The following HYAL3 variants were observed in gnomAD, a reference collection of about 807,000 sequenced individuals.
HYAL3 encodes hyaluronidase 3, also known as hyaluronidase-3.
HYAL3 carries 25 observed loss-of-function variants against 29.6 expected under a neutral mutation model. That is an observed-to-expected ratio of 0.85 (90% CI 0.62 to 1.18). The LOEUF is 1.18. Among genes scored for constraint, HYAL3 ranks in the 50% most tolerant of loss-of-function variants. HYAL3 has a pLI of 0.00. For missense variants in HYAL3, 442 were observed against 548.4 expected, an observed-to-expected ratio of 0.81 and a Z score of 1.94; for synonymous variants, 215 against 218.3, an observed-to-expected ratio of 0.99 and a Z score of 0.13.
At chr3:50,293,871 G>C (rs1553710527) in intron 2 of HYAL3, 150 bp from the exon 3 acceptor site, 1 of 711,480 alleles carries the variant, frequency 1.4e-6, no homozygotes, top group Non-Finnish European at 2.4e-6. Flanking sequence ...TTTAGAGGCG[G>C]GGTTTTACTC....
intron 1 of HYAL3, chr3:50,296,940 G>A (rs1553711306): frequency 1.2e-6 from 2 of 1,607,598 alleles, no homozygotes; most frequent in Admixed American, 1.7e-5. Context: ...GTCATGGGTG[G>A]TGAGATGCAG....
intron 1 of HYAL3, chr3:50,298,131 C>T: frequency 1.0e-6 from 1 of 980,838 alleles, no homozygotes; most frequent in Non-Finnish European, 1.2e-6. Flanking sequence ...ACCCCCTGCT[C>T]AAACCTACCC....
chr3:50,297,792 T>G lies in HYAL3; in HGVS notation c.-18+1421A>C. The G allele has an allele frequency of 8.2e-7, 1 of 1,218,922 alleles. No homozygotes were observed. Among genetic ancestry groups the G allele is most frequent in the Non-Finnish European group, 1.0e-6 (1 of 977,190 alleles). The allele number at this position is 1,218,922 out of a possible 1,614,324, so 75.5% of individuals were successfully genotyped here. A position where few individuals can be genotyped will look rare whatever the true frequency, so the allele number is the denominator to read the frequency against. ...GAACTGGGGAGTGGTGGGCTGCACT[T>G]TGTCCCACACTCACCTGATAGCACA... On this transcript the variant is annotated intron_variant, in intron 1 of 3. Transcript: ENST00000336307. This position sits in a 1 kb window ranked among gnomAD's most constrained non-coding sequence, Gnocchi z 4.3.
Position 50,295,594 on chromosome 3 carries a change from C to T in HYAL3, c.9G>A (p.Thr3=), listed in dbSNP as rs781828430. 76 of 1,544,060 alleles carry T rather than the reference C, an allele frequency of 4.9e-5. No homozygotes were observed. Among genetic ancestry groups the T allele is most frequent in the African/African-American group, 1.1e-4 (8 of 72,978 alleles). Residue 3 remains threonine (T), a synonymous_variant, in exon 2 of 4, where the codon ACG becomes ACA. Coordinates refer to ENST00000336307, the MANE Select transcript of HYAL3 (RefSeq NM_003549.4). Reference sequence around the variant, plus strand: ...CCAGCACCAGGGCTGGGCCCAGTTGCGTGGTCATTCCCCAAGGATGGAAAC... The same window carrying T: ...CCAGCACCAGGGCTGGGCCCAGTTGTGTGGTCATTCCCCAAGGATGGAAAC... MT[T]QLGPALVLGV...
At chr3:50,296,973 G>A (rs1701875359) in intron 1 of HYAL3, 2 of 1,590,444 alleles carry the variant, frequency 1.3e-6, no homozygotes, top group Non-Finnish European at 1.7e-6. Context: ...CCGGGCCCGA[G>A]CAAAGACCTC....
Position 50,293,456 on chromosome 3 carries a change from A to G in HYAL3, c.1044T>C (p.Asn348=). The part of the protein sequence containing the change: ...LVDTLGPYVI[N]VTRAAMACSH... ...TGCAGGCCATCGCTGCCCTGGTCAC[A>G]TTGATCACATAGGGGCCCAAGGTGT... The change falls in exon 4 of 4, where the codon AAT becomes AAC. Residue 348 remains asparagine (N), a synonymous_variant. Coordinates refer to ENST00000336307, the MANE Select transcript of HYAL3 (RefSeq NM_003549.4). 6.2e-7 allele frequency: 1 copy of G among 1,613,792 alleles called. No homozygotes were observed. The highest frequency in any genetic ancestry group is 8.5e-7 in the Non-Finnish European group (1 of 1,180,022).
At chr3:50,294,571 T>G in intron 2 of HYAL3, 138 bp downstream of exon 2, 1 of 636,784 alleles carries the variant, frequency 1.6e-6, no homozygotes. Flanking sequence ...GCCTCCCTCA[T>G]CAGATGCTCC....
At position 50,295,091 on chromosome 3, in the gene HYAL3, G is replaced by A. The variant is rs782600603; in HGVS notation, c.512C>T (p.Thr171Ile). 8 of 1,613,562 alleles carry A rather than the reference G, an allele frequency of 5.0e-6. No individual in the cohort carries two copies. The highest frequency in any genetic ancestry group is 5.1e-6 in the Non-Finnish European group (6 of 1,179,934). The change falls in exon 2 of 4, where the codon ACT (threonine) becomes ATT (isoleucine). Residue 171 changes from threonine to isoleucine, a missense_variant. Coordinates refer to ENST00000336307, the MANE Select transcript of HYAL3 (RefSeq NM_003549.4). ...TGCACGGGCCGCCTGCTCAAAGCCA[G>A]TATAGGCCTTGTAGAGCTGCTCCTG... ...DPQEQLYKAYTGFEQAARALM... is the reference protein window; with the variant it reads ...DPQEQLYKAYIGFEQAARALM...
intron 1 of HYAL3, chr3:50,296,384 A>G (rs587637246): frequency 1.7e-6 from 1 of 597,418 alleles, no homozygotes; most frequent in African/African-American, 1.9e-5. Context: ...GGGATCAACA[A>G]ATAAACTGTC....
Position 50,297,204 on chromosome 3 carries a change from C to T in HYAL3, c.-17-1585G>A, listed in dbSNP as rs782215726. 34 of 1,612,138 alleles carry T rather than the reference C, an allele frequency of 2.1e-5. No homozygotes were observed. Among genetic ancestry groups the T allele is most frequent in the Middle Eastern group, 1.6e-4 (1 of 6,068 alleles). ...GCCCAGGGAGTGCAGGCGGGAGGTG[C>T]GGCTGCGGGGCCACTGATCATTGAT... On this transcript the variant is annotated intron_variant, in intron 1 of 3. Transcript: ENST00000336307. The surrounding 1 kb of genome is among the most constrained non-coding windows in gnomAD (Gnocchi z 4.3).
chr3:50,297,630 T>A lies in HYAL3; in HGVS notation c.-18+1583A>T, dbSNP rs782608113. 612 of 1,459,060 alleles carry A rather than the reference T, an allele frequency of 4.2e-4. No homozygotes were observed. The highest frequency in any genetic ancestry group is 5.1e-4 in the Non-Finnish European group (564 of 1,111,260). 90.4% of individuals were successfully genotyped at this position (1,459,060 alleles called of 1,614,324 possible). A position where few individuals can be genotyped will look rare whatever the true frequency, so the allele number is the denominator to read the frequency against. ...GCCAGGCTGGAGGTTAAGACCCCAG[T>A]CTCCAGGCAGTAGCATCTCTTCAGA... On this transcript the variant is annotated intron_variant, in intron 1 of 3. Coordinates refer to ENST00000336307, the MANE Select transcript of HYAL3 (RefSeq NM_003549.4). The surrounding 1 kb of genome is among the most constrained non-coding windows in gnomAD (Gnocchi z 4.3).
In HYAL3 at chr3:50,297,898, A is replaced by G; in HGVS notation, c.-18+1315T>C. On this transcript the variant is annotated intron_variant, in intron 1 of 3. Coordinates refer to ENST00000336307, the MANE Select transcript of HYAL3 (RefSeq NM_003549.4). The surrounding 1 kb of genome is among the most constrained non-coding windows in gnomAD (Gnocchi z 4.3). ...TACCCCACATTGGAGGGAGGCTGGG[A>G]GTGATGGATGAGCTGCTTAAGGCTG... 1 of 1,003,910 alleles carries G rather than the reference A, an allele frequency of 1.0e-6. No individual in the cohort carries two copies. The highest frequency in any genetic ancestry group is 4.6e-5 in the South Asian group (1 of 21,820). 62.2% of individuals were successfully genotyped at this position (1,003,910 alleles called of 1,614,324 possible).
At chr3:50,296,330 G>A (rs1175171838) in intron 1 of HYAL3, 1 of 491,104 alleles carries the variant, frequency 2.0e-6, no homozygotes, top group Non-Finnish European at 3.6e-6. Context: ...GGAGACTTCT[G>A]CAGGGATAAG....
In HYAL3 at chr3:50,293,432, G is replaced by A; in HGVS notation, c.1068C>T (p.Cys356=). 6.2e-7 allele frequency: 1 copy of A among 1,613,704 alleles called. No homozygotes were observed. Among genetic ancestry groups the A allele is most frequent in the Non-Finnish European group, 8.5e-7 (1 of 1,180,024 alleles). ...VINVTRAAMA[C]SHQRCHGHGR... ...CGTGGCCATGGCACCGCTGGTGACTGCAGGCCATCGCTGCCCTGGTCACAT... is the reference window on the plus strand; with the variant it reads ...CGTGGCCATGGCACCGCTGGTGACTACAGGCCATCGCTGCCCTGGTCACAT... Residue 356 remains cysteine, a synonymous_variant, in exon 4 of 4, where the codon TGC becomes TGT. Transcript: ENST00000336307.
chr3:50,293,131 T>C lies in HYAL3; in HGVS notation c.*115A>G. On this transcript the variant is annotated 3_prime_UTR_variant, in exon 4 of 4. Transcript: ENST00000336307. ...CTCAGGGATTCCAAGGGAAGCGGGG[T>C]GTGTGCTTGGGAGGGTTGACTGTAA... The C allele has an allele frequency of 6.6e-7, 1 of 1,524,410 alleles. No individual in the cohort carries two copies. Among genetic ancestry groups the C allele is most frequent in the South Asian group, 1.1e-5 (1 of 88,614 alleles). The allele number at this position is 1,524,410 out of a possible 1,614,324, so 94.4% of individuals were successfully genotyped here.
rs374408747 is a variant in HYAL3, at chr3:50,295,176, G to A, written c.427C>T (p.Arg143Ter). 27 of 1,613,274 alleles carry A rather than the reference G, an allele frequency of 1.7e-5. 1 individual carries two copies. The highest frequency in any genetic ancestry group is 2.2e-5 in the South Asian group (2 of 91,088). ...GCCCAAGAGGCTGCCTGATAAGCTC[G>A]GCGGCGGCCCCAGTTCCCAGCCCAG... ...PLWAGNWGRR[R>*]AYQAASWAWA... The change falls in exon 2 of 4, where the codon CGA (arginine) becomes TGA (stop). Residue 143 changes from arginine to a stop codon, truncating the protein, a stop_gained. Coordinates refer to ENST00000336307, the MANE Select transcript of HYAL3 (RefSeq NM_003549.4). LOFTEE classifies it high-confidence loss of function.
In HYAL3 at chr3:50,299,330, A is replaced by C. The variant is rs927087159; in HGVS notation, c.-135T>G. 5 of 1,594,374 alleles carry C rather than the reference A, an allele frequency of 3.1e-6. No individual in the cohort carries two copies. In the Admixed American group the frequency reaches 5.2e-5, roughly 17 times the overall value. ...ACGTTGGCCCCCAGCGGTGCGGCGG[A>C]TGTTCTGCAGCCGTCGCGTCCTGCG... On this transcript the variant is annotated 5_prime_UTR_variant, in exon 1 of 4. Coordinates refer to ENST00000336307, the MANE Select transcript of HYAL3 (RefSeq NM_003549.4).
chr3:50,297,193 G>A lies in HYAL3; in HGVS notation c.-17-1574C>T. On this transcript the variant is annotated intron_variant, in intron 1 of 3. Coordinates refer to ENST00000336307, the MANE Select transcript of HYAL3 (RefSeq NM_003549.4). This position sits in a 1 kb window ranked among gnomAD's most constrained non-coding sequence, Gnocchi z 4.3. ...TCTGAGGACTGGCCCAGGGAGTGCA[G>A]GCGGGAGGTGCGGCTGCGGGGCCAC... 14 of 1,612,562 alleles carry A rather than the reference G, an allele frequency of 8.7e-6. No individual in the cohort carries two copies. The highest frequency in any genetic ancestry group is 1.0e-5 in the Non-Finnish European group (12 of 1,179,184).
intron 2 of HYAL3, 35 bp downstream of exon 2, chr3:50,294,674 C>T: frequency 6.7e-7 from 1 of 1,481,746 alleles, no homozygotes; most frequent in South Asian, 1.5e-5. Context: ...GCCATACCTC[C>T]TGACTCAGAC....
Sources: allele counts gnomAD v4.1 joint callset, GRCh38; gene constraint gnomAD v4.1.1; non-coding constraint Gnocchi (gnomAD v3.1); transcripts MANE v1.5; gene names NCBI Gene and HGNC (gene_info 2026-07-23, HGNC 2026-07-21).